KCNQ1: variants seen among roughly 807,000 people sequenced by gnomAD.
KCNQ1 encodes the protein potassium voltage-gated channel subfamily Q member 1.
A neutral mutation model predicts 72.4 loss-of-function variants in KCNQ1; 49 were observed. That is an observed-to-expected ratio of 0.68 (90% CI 0.54 to 0.86). The LOEUF (loss-of-function observed/expected upper bound fraction) is 0.86. Among genes scored for constraint, KCNQ1 ranks in the 40% least tolerant of loss-of-function variants. KCNQ1 has a pLI of 0.00. For synonymous variants in KCNQ1, 450 were observed against 412.6 expected, an observed-to-expected ratio of 1.09 and a Z score of -1.10; for missense variants, 790 against 945.1, an observed-to-expected ratio of 0.84 and a Z score of 2.15.
rs568986352 is a variant in KCNQ1 at position 2,651,067 on chromosome 11, A to G, written c.1394-10894A>G. ...CATTTCTCTGCCTACATTGTTGTCC[A>G]TACCTCATTACTGGTCTCTTGATTT... On this transcript the variant is annotated intron_variant, in intron 10 of 15. Coordinates refer to ENST00000155840, the MANE Select transcript of KCNQ1 (RefSeq NM_000218.3). The surrounding 1 kb of genome is among the most constrained non-coding windows in gnomAD (Gnocchi z 6.1). 5.0e-6 allele frequency: 2 copies of G among 398,820 alleles called. No homozygotes were observed. Among genetic ancestry groups the G allele is most frequent in the East Asian group, 7.1e-5 (2 of 28,090 alleles). 24.7% of individuals were successfully genotyped at this position (398,820 alleles called of 1,614,324 possible).
chr11:2,692,018 C>T, intron 11 of KCNQ1: 2 of 398,678 alleles, frequency 5.0e-6, no homozygotes, highest in African/African-American at 2.1e-5. Context: ...GGCTTCCAGA[C>T]CACCTGTGAG....
At chr11:2,514,129 G>A (rs1345619320) in intron 1 of KCNQ1, among the ~76,000 whole-genome samples, 5 of 152,236 alleles carry the variant, frequency 3.3e-5, no homozygotes, top group African/African-American at 4.8e-5. Context: ...CGGAGTGGGA[G>A]ATGCCCCCCT....
In KCNQ1 at chr11:2,613,576, T is replaced by C. The variant is rs541269843; in HGVS notation, c.1393+24722T>C. On this transcript the variant is annotated intron_variant, in intron 10 of 15. Transcript: ENST00000155840. This position sits in a 1 kb window ranked among gnomAD's most constrained non-coding sequence, Gnocchi z 4.8. ...TCTTAGGAAGGCTTAATATTTTTTCTTTAATTAGCACTTTTCAATTTTATA... is the reference window on the plus strand; with the variant it reads ...TCTTAGGAAGGCTTAATATTTTTTCCTTAATTAGCACTTTTCAATTTTATA... 626 of 398,600 alleles carry C rather than the reference T, an allele frequency of 1.6e-3. 4 individuals are homozygous for C. Among genetic ancestry groups the C allele is most frequent in the Non-Finnish European group, 2.1e-3 (475 of 226,066 alleles). The allele number at this position is 398,600 out of a possible 1,614,324, so 24.7% of individuals were successfully genotyped here. A position where few individuals can be genotyped will look rare whatever the true frequency, so the allele number is the denominator to read the frequency against.
intron 7 of KCNQ1, among the ~76,000 whole-genome samples, chr11:2,584,487 G>A (rs552969205): frequency 7.3e-5 from 11 of 150,588 alleles, no homozygotes; most frequent in African/African-American, 2.7e-4. Flanking sequence ...GTGTTAGTGT[G>A]TGTTAGTATG....
rs934967136 is a variant in KCNQ1, at chr11:2,498,829, G to C, written c.387-29099G>C. ...CCTGGTGGTATAGGCACATGAAGGA[G>C]TCTCCTGATCTGCAGATTGCAAAAC... On this transcript the variant is annotated intron_variant, in intron 1 of 15. Transcript: ENST00000155840. The surrounding 1 kb of genome is among the most constrained non-coding windows in gnomAD (Gnocchi z 4.8). Among the ~76,000 whole-genome samples, 1 of 152,236 alleles carries C rather than the reference G, an allele frequency of 6.6e-6. No individual in the cohort carries two copies. The highest frequency in any genetic ancestry group is 2.4e-5 in the African/African-American group (1 of 41,460).
At chr11:2,665,123 T>A (rs1349185607) in intron 11 of KCNQ1, 1 of 398,368 alleles carries the variant, frequency 2.5e-6, no homozygotes, top group Non-Finnish European at 4.4e-6. Context: ...CCCCAGCCTA[T>A]AGGTGGGCCC....
intron 2 of KCNQ1, among the ~76,000 whole-genome samples, chr11:2,568,221 C>T (rs1028981558): frequency 6.6e-6 from 1 of 152,018 alleles, no homozygotes; most frequent in African/African-American, 2.4e-5. Flanking sequence ...TGCAGTGAGC[C>T]GAGATCACGC....
rs1023071792 is a variant in KCNQ1 at position 2,769,485 on chromosome 11, C to T, written c.1590+566C>T. Among the ~76,000 whole-genome samples the T allele has an allele frequency of 1.3e-5, 2 of 152,168 alleles. No homozygotes were observed. Among genetic ancestry groups the T allele is most frequent in the Non-Finnish European group, 2.9e-5 (2 of 68,030 alleles). On this transcript the variant is annotated intron_variant, in intron 12 of 15. Transcript: ENST00000155840. The surrounding 1 kb of genome is among the most constrained non-coding windows in gnomAD (Gnocchi z 4.6). ...AGCTCCAGGGCTTCCATAAGCTGCC[C>T]TAACTTCTCCAGGGGCATGTCCCCC...
Position 2,565,734 on chromosome 11 carries a change from A to G in KCNQ1, c.478-4894A>G, listed in dbSNP as rs138253955. On this transcript the variant is annotated intron_variant, in intron 2 of 15. Coordinates refer to ENST00000155840, the MANE Select transcript of KCNQ1 (RefSeq NM_000218.3). This position sits in a 1 kb window ranked among gnomAD's most constrained non-coding sequence, Gnocchi z 5.6. ...AACGAGTGGGTCCGATGTGGAGTGC[A>G]GTGGCATCAGCCAAGGCTCCGAGGC... is the stretch of plus-strand genomic sequence containing the variant. Among the ~76,000 whole-genome samples the G allele has an allele frequency of 3.4e-3, 520 of 152,322 alleles. 5 individuals are homozygous for G. Among genetic ancestry groups the G allele is most frequent in the African/African-American group, 0.011 (470 of 41,572 alleles).
intron 1 of KCNQ1, among the ~76,000 whole-genome samples, chr11:2,514,222 C>T (rs896087617): frequency 1.3e-5 from 2 of 152,232 alleles, no homozygotes; most frequent in African/African-American, 2.4e-5. Context: ...GGCGCATTTC[C>T]GTGCAGGACA....
chr11:2,777,743 G>A (rs961294118), intron 14 of KCNQ1: 1 of 616,022 alleles, frequency 1.6e-6, no homozygotes, highest in East Asian at 2.7e-5. Flanking sequence ...GAGGTCAGAG[G>A]TGGAGAGCGT....
At chr11:2,506,925 T>G (rs1027374678) in intron 1 of KCNQ1, among the ~76,000 whole-genome samples, 2 of 152,258 alleles carry the variant, frequency 1.3e-5, no homozygotes, top group Non-Finnish European at 2.9e-5. Context: ...TTTTGGTTCT[T>G]GGTCTCTCAA....
intron 2 of KCNQ1, 28 bp from the exon 3 acceptor site, chr11:2,570,600 C>A (rs768507876): frequency 3.1e-6 from 5 of 1,610,536 alleles, no homozygotes; most frequent in Non-Finnish European, 4.2e-6. Context: ...AGCCTGCCTG[C>A]AGTGAGCGTC....
rs1355496432 is a variant in KCNQ1 at position 2,746,096 on chromosome 11, G to A, written c.1515-22748G>A. 6.6e-6 allele frequency among the ~76,000 whole-genome samples: 1 copy of A among 152,098 alleles called. No individual in the cohort carries two copies. The highest frequency in any genetic ancestry group is 1.5e-5 in the Non-Finnish European group (1 of 68,018). On this transcript the variant is annotated intron_variant, in intron 11 of 15. Coordinates refer to ENST00000155840, the MANE Select transcript of KCNQ1 (RefSeq NM_000218.3). The surrounding 1 kb of genome is among the most constrained non-coding windows in gnomAD (Gnocchi z 5.9). ...GTAGAGGTGGGGTTTCACCATGCTG[G>A]CCAGGCTGATCTCGAACTCCTGGCC... is the stretch of plus-strand genomic sequence containing the variant.
At chr11:2,533,063 G>A (rs1202448213) in intron 2 of KCNQ1, among the ~76,000 whole-genome samples, 2 of 152,068 alleles carry the variant, frequency 1.3e-5, no homozygotes, top group Non-Finnish European at 2.9e-5. Context: ...GGAGGGGCCG[G>A]GCGGGTGCAG....
At chr11:2,465,428 C>A (rs974819686) in intron 1 of KCNQ1, among the ~76,000 whole-genome samples, 1 of 152,238 alleles carries the variant, frequency 6.6e-6, no homozygotes, top group African/African-American at 2.4e-5. Flanking sequence ...GTCCAGCCAG[C>A]CAGGATCTGA....
chr11:2,578,056 C>T (rs1848448572), intron 6 of KCNQ1, among the ~76,000 whole-genome samples: 1 of 152,204 alleles, frequency 6.6e-6, no homozygotes, highest in Non-Finnish European at 1.5e-5. Context: ...TAGCAGAGGC[C>T]CAGAAGGCTC....
chr11:2,472,834 G>A (rs1273923118), intron 1 of KCNQ1, among the ~76,000 whole-genome samples: 1 of 152,142 alleles, frequency 6.6e-6, no homozygotes, highest in Non-Finnish European at 1.5e-5. Context: ...GGTGGAGGCA[G>A]ATGTGATTCT....
At chr11:2,589,715 C>T (rs757352099) in intron 10 of KCNQ1, among the ~76,000 whole-genome samples, 11 of 152,200 alleles carry the variant, frequency 7.2e-5, no homozygotes, top group Non-Finnish European at 1.0e-4. Flanking sequence ...TTCTGCTGTT[C>T]CCAGAAGTGC....
Sources: allele counts gnomAD v4.1 joint callset (sites outside exome capture counted in the v4.1 genomes callset), GRCh38; gene constraint gnomAD v4.1.1; non-coding constraint Gnocchi (gnomAD v3.1); transcripts MANE v1.5; gene names NCBI Gene and HGNC (gene_info 2026-07-23, HGNC 2026-07-21).